RBMS1: variants seen among roughly 807,000 people sequenced by gnomAD.
RBMS1 encodes RNA binding motif single stranded interacting protein 1, also known as RNA-binding motif, single-stranded-interacting protein 1.
RBMS1 carries 17 observed loss-of-function variants against 62.3 expected under a neutral mutation model. The observed-to-expected ratio is 0.27, with a 90% CI of 0.19 to 0.41. The LOEUF is 0.41. Among genes scored for constraint, RBMS1 ranks in the 10% least tolerant of loss-of-function variants. The pLI, the probability that RBMS1 is intolerant of heterozygous loss-of-function variation, is 1.00. For missense variants in RBMS1, 334 were observed against 504.5 expected (o/e 0.66, Z 3.24); for synonymous variants, 172 against 170.0 (o/e 1.01, Z -0.09).
At chr2:160,400,150 G>A (rs574592802) in intron 1 of RBMS1, among the ~76,000 whole-genome samples, 2 of 152,208 alleles carry the variant, frequency 1.3e-5, no homozygotes, top group South Asian at 2.1e-4. Flanking sequence ...ACTAACAGCT[G>A]CTTCTACAAT....
At chr2:160,314,189 T>A (rs1309970597) in intron 3 of RBMS1, among the ~76,000 whole-genome samples, 1 of 152,172 alleles carries the variant, frequency 6.6e-6, no homozygotes, top group Non-Finnish European at 1.5e-5. Flanking sequence ...AACAGCCTCA[T>A]GAATCTCAAC....
chr2:160,385,823 A>G (rs192044585), intron 1 of RBMS1, among the ~76,000 whole-genome samples: 3 of 152,326 alleles, frequency 2.0e-5, no homozygotes, highest in Admixed American at 2.0e-4. Context: ...CTCTTCCTCT[A>G]TCTATGTACC....
chr2:160,380,919 C>CCAT (rs1694257251), intron 1 of RBMS1, among the ~76,000 whole-genome samples: 1 of 152,138 alleles, frequency 6.6e-6, no homozygotes, highest in African/African-American at 2.4e-5. Context: ...AGAAGAACTT[C>CCAT]CATCACAAAG....
chr2:160,340,748 TA>T, intron 2 of RBMS1, among the ~76,000 whole-genome samples: 1 of 152,224 alleles, frequency 6.6e-6, no homozygotes, highest in Middle Eastern at 3.2e-3. Context: ...GTCCATCCAT[TA>T]ATGTTTGTAA....
intron 1 of RBMS1, among the ~76,000 whole-genome samples, chr2:160,423,526 C>G (rs1478387590): frequency 1.3e-5 from 2 of 152,146 alleles, no homozygotes; most frequent in East Asian, 3.8e-4. Context: ...GCTTCTGACT[C>G]CCACTTGTCC....
chr2:160,455,971 C>T (rs1309967175), intron 1 of RBMS1, among the ~76,000 whole-genome samples: 1 of 151,942 alleles, frequency 6.6e-6, no homozygotes, highest in African/African-American at 2.4e-5. Context: ...GCGTGAGCCA[C>T]CGCGCCCGGC....
At chr2:160,469,848 C>T (rs1029739653) in intron 1 of RBMS1, among the ~76,000 whole-genome samples, 3 of 152,098 alleles carry the variant, frequency 2.0e-5, no homozygotes, top group Admixed American at 6.5e-5. Flanking sequence ...AAGTTGACCT[C>T]GTAATGAATA....
chr2:160,445,764 G>C (rs1278658353), intron 1 of RBMS1, among the ~76,000 whole-genome samples: 2 of 152,218 alleles, frequency 1.3e-5, no homozygotes, highest in South Asian at 2.1e-4. Context: ...GCGGTGATGA[G>C]AGAAATTCTG....
intron 9 of RBMS1, chr2:160,282,467 GAGTGC>G: frequency 2.2e-6 from 1 of 464,526 alleles, no homozygotes; most frequent in Non-Finnish European, 4.2e-6. Flanking sequence ...ACTCCAACAT[GAGTGC>G]AGGGCCCTCA....
At chr2:160,404,224 G>A (rs1013170011) in intron 1 of RBMS1, among the ~76,000 whole-genome samples, 4 of 152,118 alleles carry the variant, frequency 2.6e-5, no homozygotes, top group Admixed American at 1.3e-4. Context: ...AGCTGAGCAG[G>A]TGTATTTCTA....
chr2:160,339,538 C>T (rs542287766), intron 2 of RBMS1, among the ~76,000 whole-genome samples: 11 of 152,184 alleles, frequency 7.2e-5, no homozygotes, highest in African/African-American at 2.4e-4. Context: ...ATTTTTGCCA[C>T]GGTGCCAGGA....
chr2:160,315,064 T>C (rs554588654), intron 3 of RBMS1, among the ~76,000 whole-genome samples: 1 of 152,344 alleles, frequency 6.6e-6, no homozygotes, highest in South Asian at 2.1e-4. Flanking sequence ...AAACAGAAGA[T>C]CTCAATTTTG....
At chr2:160,331,067 C>G (rs143120817) in intron 2 of RBMS1, among the ~76,000 whole-genome samples, 1 of 152,082 alleles carries the variant, frequency 6.6e-6, no homozygotes, top group African/African-American at 2.4e-5. Context: ...GAAGAGGTAA[C>G]GAAGCATGTT....
At chr2:160,407,477 G>T in intron 1 of RBMS1, 1 of 986,202 alleles carries the variant, frequency 1.0e-6, no homozygotes, top group Non-Finnish European at 1.2e-6. Context: ...CTTGCGATAG[G>T]GCGTCCGGCA....
chr2:160,444,108 A>G (rs2105307667), intron 1 of RBMS1, among the ~76,000 whole-genome samples: 1 of 152,338 alleles, frequency 6.6e-6, no homozygotes, highest in South Asian at 2.1e-4. Context: ...CTACAACAAC[A>G]TTCTGTTTTT....
intron 6 of RBMS1, among the ~76,000 whole-genome samples, chr2:160,291,232 G>T (rs6757491): frequency 6.6e-6 from 1 of 151,956 alleles, no homozygotes; most frequent in Non-Finnish European, 1.5e-5. Context: ...CAGTTAACAG[G>T]TGGAGAAACT....
chr2:160,424,100 C>G (rs549536306), intron 1 of RBMS1, among the ~76,000 whole-genome samples: 1 of 151,184 alleles, frequency 6.6e-6, no homozygotes, highest in Non-Finnish European at 1.5e-5. Flanking sequence ...CTCACTGTAA[C>G]CTCCGCCACT....
At chr2:160,448,826 C>G (rs1183701407) in intron 1 of RBMS1, among the ~76,000 whole-genome samples, 1 of 150,922 alleles carries the variant, frequency 6.6e-6, no homozygotes, top group Non-Finnish European at 1.5e-5. Context: ...TCTTCCCGGC[C>G]GCCATCCTGT....
At chr2:160,479,491 G>A (rs557362257) in intron 1 of RBMS1, among the ~76,000 whole-genome samples, 1 of 152,208 alleles carries the variant, frequency 6.6e-6, no homozygotes, top group Non-Finnish European at 1.5e-5. Context: ...GACACCAGCT[G>A]GTGCCACTGG....
Sources: gnomAD v4.1 joint callset for allele counts (sites outside exome capture counted in the v4.1 genomes callset) on GRCh38, gnomAD v4.1.1 for gene constraint, MANE v1.5 for transcripts, NCBI Gene and HGNC (gene_info 2026-07-23, HGNC 2026-07-21) for gene names.